The following CALD1 variants were observed in gnomAD, a reference collection of about 807,000 sequenced individuals.
CALD1 encodes caldesmon 1.
In CALD1, 33 loss-of-function variants were observed where a neutral mutation model predicts 99.9. The observed-to-expected ratio is 0.33, with a 90% confidence interval of 0.25 to 0.44. The LOEUF (loss-of-function observed/expected upper bound fraction) is 0.44, where lower values mean the gene tolerates loss of function less well. Ranked by LOEUF, CALD1 falls within the 20% of genes least tolerant of loss-of-function variation. CALD1 has a pLI of 1.00. For synonymous variants in CALD1, 310 were observed against 325.0 expected, an observed-to-expected ratio of 0.95 and a Z score of 0.50; for missense variants, 861 against 962.1, an observed-to-expected ratio of 0.89 and a Z score of 1.39.
chr7:134,766,175 G>T lies in CALD1; in HGVS notation c.-130+21812G>T, dbSNP rs563175117. On this transcript the variant is annotated intron_variant, in intron 1 of 13. Coordinates refer to the CALD1 transcript ENST00000417172. ...TTTTTTTTTTTTTTTTTTTTGAGAG[G>T]GAGTCTCACTCTGTCACCCAGGCTG... Among the ~76,000 whole-genome samples the T allele has an allele frequency of 4.6e-5, 6 of 129,820 alleles. No individual in the cohort carries two copies. The East Asian group carries it at 1.3e-3, about 29-fold the overall frequency. The allele number at this position is 129,820 out of a possible 152,430, so 85.2% of individuals were successfully genotyped here.
chr7:134,958,355 C>A lies in CALD1; in HGVS notation c.2061+65C>A, dbSNP rs1453960568. On this transcript the variant is annotated intron_variant, in intron 11 of 14. Transcript: ENST00000361675. ...AATAGATTCTGACTACATAGAAGAG[C>A]ATAAAAACACTTAGGACAATAATCA... is the stretch of plus-strand genomic sequence containing the variant. The A allele has an allele frequency of 9.0e-6, 11 of 1,228,676 alleles. No homozygotes were observed. The East Asian group carries it at 2.3e-4, about 26-fold the overall frequency. The allele number at this position is 1,228,676 out of a possible 1,614,324, so 76.1% of individuals were successfully genotyped here.
intron 1 of CALD1, among the ~76,000 whole-genome samples, chr7:134,813,764 G>A (rs951385137): frequency 6.6e-6 from 1 of 152,146 alleles, no homozygotes; most frequent in African/African-American, 2.4e-5. Flanking sequence ...TGACATTACT[G>A]GTAACAAATT....
chr7:134,952,614 G>C (rs924236072), intron 9 of CALD1, among the ~76,000 whole-genome samples: 1 of 151,848 alleles, frequency 6.6e-6, no homozygotes, highest in Non-Finnish European at 1.5e-5. Context: ...GGGACTACAG[G>C]TGCACGCCAC....
the CALD1 span, among the ~76,000 whole-genome samples, chr7:134,726,291 C>T: frequency 6.8e-6 from 1 of 147,498 alleles, no homozygotes; most frequent in Admixed American, 6.8e-5. Flanking sequence ...ACTATATAAG[C>T]ATATATAAAT....
chr7:134,885,503 A>C (rs1801812741), intron 3 of CALD1, among the ~76,000 whole-genome samples: 1 of 152,222 alleles, frequency 6.6e-6, no homozygotes, highest in African/African-American at 2.4e-5. Context: ...ATTTCATTCC[A>C]GCTATAAAAG....
chr7:134,934,685 C>A (rs951742550), intron 5 of CALD1, among the ~76,000 whole-genome samples: 6 of 152,070 alleles, frequency 3.9e-5, no homozygotes, highest in African/African-American at 1.4e-4. Context: ...AGATCGAGAC[C>A]ATCCTGGCCA....
At position 134,933,740 on chromosome 7, in the gene CALD1, C is replaced by A. The variant is rs140903770; in HGVS notation, c.971C>A (p.Ala324Glu). 4.5e-4 allele frequency: 694 copies of A among 1,552,042 alleles called. 2 individuals are homozygous for A. Among genetic ancestry groups the A allele is most frequent in the Non-Finnish European group, 2.5e-4 (288 of 1,148,544 alleles). ...AGGATGAGGGAGGAAGAGAAAAGGG[C>A]AGCAGAGGAGAGGCAGAGGATAAAG... ...RERMREEEKRAAEERQRIKEE... is the reference protein window; with the variant it reads ...RERMREEEKREAEERQRIKEE... Residue 324 changes from alanine to glutamate, a missense_variant, in exon 5 of 15, where the codon GCA (alanine) becomes GAA (glutamate). This residue lies in a region of CALD1 where 234 missense variants were observed against 233.1 expected (regional missense o/e 1.00). Transcript: ENST00000361675.
At chr7:134,802,110 GTATATA>G (rs60652336) in intron 1 of CALD1, among the ~76,000 whole-genome samples, 6 of 150,596 alleles carry the variant, frequency 4.0e-5, no homozygotes, top group Admixed American at 1.3e-4. Flanking sequence ...TATGTGTGTA[GTATATA>G]TATATATATG....
At chr7:134,946,255 G>T (rs1342058194) in intron 7 of CALD1, among the ~76,000 whole-genome samples, 7 of 151,874 alleles carry the variant, frequency 4.6e-5, no homozygotes, top group Non-Finnish European at 7.4e-5. Flanking sequence ...ACCCACTGAG[G>T]TAAATAGAAT....
chr7:134,917,131 C>T (rs774982695), intron 3 of CALD1, among the ~76,000 whole-genome samples: 1 of 152,266 alleles, frequency 6.6e-6, no homozygotes, highest in South Asian at 2.1e-4. Context: ...TATAGTGCTG[C>T]CAGCCATCGA....
At chr7:134,921,836 T>C (rs1048627726) in intron 3 of CALD1, among the ~76,000 whole-genome samples, 1 of 151,976 alleles carries the variant, frequency 6.6e-6, no homozygotes, top group African/African-American at 2.4e-5. Flanking sequence ...AACTGATCTT[T>C]TAAATTTTAA....
chr7:134,846,457 C>A (rs1799858146), intron 2 of CALD1, among the ~76,000 whole-genome samples: 1 of 152,222 alleles, frequency 6.6e-6, no homozygotes, highest in Non-Finnish European at 1.5e-5. Context: ...GCCTCACCAT[C>A]AAATGTCATT....
chr7:134,753,578 C>G (rs889818043), intron 1 of CALD1, among the ~76,000 whole-genome samples: 3 of 152,140 alleles, frequency 2.0e-5, no homozygotes, highest in African/African-American at 7.2e-5. Flanking sequence ...TAAAGCACAC[C>G]AGGTAAGAAG....
the CALD1 span, among the ~76,000 whole-genome samples, chr7:134,732,664 A>G: frequency 6.6e-6 from 1 of 152,244 alleles, no homozygotes; most frequent in Admixed American, 6.5e-5. Context: ...AGCAGCCTGA[A>G]TGGACCAAGA....
intron 2 of CALD1, chr7:134,844,408 C>G (rs2132169384): frequency 1.3e-5 from 2 of 152,268 alleles, no homozygotes; most frequent in African/African-American, 4.8e-5. Context: ...TTCAACAAAT[C>G]TCTCTCACCT....
the CALD1 span, among the ~76,000 whole-genome samples, chr7:134,724,964 C>T: frequency 3.3e-5 from 5 of 152,338 alleles, no homozygotes; most frequent in East Asian, 5.8e-4. Context: ...GCATCCTTCT[C>T]TTCCTCTGCA....
intron 1 of CALD1, among the ~76,000 whole-genome samples, chr7:134,768,574 A>T (rs1000554904): frequency 1.3e-5 from 2 of 152,224 alleles, no homozygotes; most frequent in African/African-American, 4.8e-5. Context: ...AGGACAAAGA[A>T]GCACAGTGGC....
intron 2 of CALD1, among the ~76,000 whole-genome samples, chr7:134,846,529 C>CA (rs1402688773): frequency 1.3e-5 from 2 of 152,204 alleles, no homozygotes; most frequent in Non-Finnish European, 2.9e-5. Flanking sequence ...TAGCATGATG[C>CA]AAATAAAAGG....
intron 1 of CALD1, among the ~76,000 whole-genome samples, chr7:134,767,108 G>A (rs1408959841): frequency 6.6e-6 from 1 of 152,200 alleles, no homozygotes; most frequent in African/African-American, 2.4e-5. Context: ...GAAAGGCCCA[G>A]TGAGGGTTCA....
Sources: gnomAD v4.1 joint callset for allele counts (sites outside exome capture counted in the v4.1 genomes callset) on GRCh38, gnomAD v4.1.1 for gene constraint, gnomAD v4.1.1 regional missense constraint, MANE v1.5 for transcripts, NCBI Gene and HGNC (gene_info 2026-07-23, HGNC 2026-07-21) for gene names.